SV2C: variants seen among roughly 807,000 people sequenced by gnomAD.
SV2C encodes solute carrier family 22 member B3.
Under a neutral mutation model 79.7 loss-of-function variants are expected in SV2C, and 49 were observed. The observed-to-expected ratio is 0.61, with a 90% CI of 0.49 to 0.78. The LOEUF (loss-of-function observed/expected upper bound fraction) is 0.78. Ranked by LOEUF, SV2C falls within the 30% of genes least tolerant of loss-of-function variation. SV2C has a pLI of 0.00. For synonymous variants in SV2C, 334 were observed against 333.2 expected, an observed-to-expected ratio of 1.00 and a Z score of -0.03; for missense variants, 833 against 912.9, an observed-to-expected ratio of 0.91 and a Z score of 1.13.
intron 4 of SV2C, among the ~76,000 whole-genome samples, chr5:76,238,034 ACACACACACACACACACAC>A (rs1745666982): frequency 2.2e-5 from 2 of 89,320 alleles, no homozygotes; most frequent in African/African-American, 1.8e-4. Context: ...ACATACACAC[ACACACACACACACACACAC>A]ACACACACAC....
chr5:76,109,921 G>A (rs1168341364), intron 1 of SV2C, among the ~76,000 whole-genome samples: 1 of 152,126 alleles, frequency 6.6e-6, no homozygotes, highest in Non-Finnish European at 1.5e-5. Context: ...CTAATACAGT[G>A]GTTTATGTCT....
In SV2C at chr5:76,300,883, C is replaced by T; in HGVS notation, c.1791C>T (p.Asn597=). The T allele has an allele frequency of 1.2e-6, 2 of 1,614,128 alleles. No individual in the cohort carries two copies. Among genetic ancestry groups the T allele is most frequent in the South Asian group, 1.1e-5 (1 of 91,082 alleles). ...FLGTLAVLPG[N]IVSALLMDRI... is the part of the protein sequence containing the mutation. ...GGACATTGGCAGTATTGCCAGGGAACATTGTGTCTGCTCTGCTGATGGACA... is the reference window on the plus strand; with the variant it reads ...GGACATTGGCAGTATTGCCAGGGAATATTGTGTCTGCTCTGCTGATGGACA... Residue 597 remains asparagine, a synonymous_variant, in exon 11 of 13, where the codon AAC becomes AAT. Transcript: ENST00000502798.
chr5:75,854,427 T>TA, the SV2C span, among the ~76,000 whole-genome samples: 2 of 152,192 alleles, frequency 1.3e-5, no homozygotes, highest in East Asian at 3.8e-4. Flanking sequence ...TGTTTTTGTA[T>TA]AAAAACTATC....
chr5:76,137,950 A>C (rs563018286), intron 2 of SV2C, among the ~76,000 whole-genome samples: 11 of 152,284 alleles, frequency 7.2e-5, no homozygotes, highest in African/African-American at 2.4e-4. Context: ...CAACAAAAAA[A>C]TTTTAATATC....
the SV2C span, among the ~76,000 whole-genome samples, chr5:75,972,165 A>C: frequency 2.0e-5 from 3 of 152,174 alleles, no homozygotes; most frequent in African/African-American, 4.8e-5. Flanking sequence ...CACCTTATAC[A>C]TAAATTAATT....
the SV2C span, among the ~76,000 whole-genome samples, chr5:75,970,943 G>A: frequency 4.6e-5 from 7 of 151,994 alleles, no homozygotes; most frequent in East Asian, 1.9e-4. Context: ...CTGGCAAACC[G>A]AATCCAGCAG....
At chr5:76,250,830 A>G (rs984734863) in intron 4 of SV2C, among the ~76,000 whole-genome samples, 1 of 152,048 alleles carries the variant, frequency 6.6e-6, no homozygotes, top group Admixed American at 6.5e-5. Flanking sequence ...ATCTCAATGG[A>G]CGTTTTTTTT....
At chr5:76,334,832 C>T (rs1749279799), downstream of SV2C, among the ~76,000 whole-genome samples, 1 of 152,132 alleles carries the variant, frequency 6.6e-6, no homozygotes, top group Admixed American at 6.5e-5. Context: ...TCAAGAGTCA[C>T]CTCTCCCCCT....
chr5:75,965,660 G>A, the SV2C span, among the ~76,000 whole-genome samples: 1 of 152,106 alleles, frequency 6.6e-6, no homozygotes, highest in Non-Finnish European at 1.5e-5. Context: ...CAGACAAAGA[G>A]CACTATGGAG....
At chr5:76,199,957 A>G (rs549623847) in intron 3 of SV2C, among the ~76,000 whole-genome samples, 2 of 152,358 alleles carry the variant, frequency 1.3e-5, no homozygotes, top group South Asian at 2.1e-4. Context: ...TCTTTCTCCC[A>G]GCTTCCCCAA....
At chr5:76,076,454 CTTTTGTT>C in the SV2C span, among the ~76,000 whole-genome samples, 4 of 152,172 alleles carry the variant, frequency 2.6e-5, no homozygotes, top group Non-Finnish European at 4.4e-5. Context: ...ATTGAAGTTT[CTTTTGTT>C]ATATCTGCTG....
At chr5:76,061,962 A>T in the SV2C span, among the ~76,000 whole-genome samples, 22 of 30,322 alleles carry the variant, frequency 7.3e-4, no homozygotes, top group East Asian at 0.017. Context: ...GCTTTTTTTT[A>T]ACCTGTTATT....
At chr5:76,086,357 A>T (rs1747196680) in intron 1 of SV2C, among the ~76,000 whole-genome samples, 1 of 152,230 alleles carries the variant, frequency 6.6e-6, no homozygotes, top group Non-Finnish European at 1.5e-5. Context: ...TGTATGAATA[A>T]AAGCATGTGA....
intron 12 of SV2C, among the ~76,000 whole-genome samples, chr5:76,317,227 T>C (rs1440194783): frequency 6.6e-6 from 1 of 152,200 alleles, no homozygotes; most frequent in Non-Finnish European, 1.5e-5. Flanking sequence ...TTCTCTAAGA[T>C]AAATGAAATT....
intron 2 of SV2C, among the ~76,000 whole-genome samples, chr5:76,162,172 A>G (rs1580318174): frequency 6.6e-6 from 1 of 152,160 alleles, no homozygotes; most frequent in African/African-American, 2.4e-5. Flanking sequence ...AAAAATCTCA[A>G]TGACATGGTG....
the SV2C span, among the ~76,000 whole-genome samples, chr5:76,065,559 C>T: frequency 3.5e-3 from 529 of 152,188 alleles, 8 homozygotes; most frequent in African/African-American, 0.012. Flanking sequence ...TTTTTATGAA[C>T]GGCATAGAGA....
chr5:75,991,724 CAATT>C, the SV2C span, among the ~76,000 whole-genome samples: 1 of 150,808 alleles, frequency 6.6e-6, no homozygotes, highest in Non-Finnish European at 1.5e-5. Context: ...GCAAAACCAT[CAATT>C]AATCTGGAAT....
At chr5:76,260,450 GA>G (rs1237982581) in intron 4 of SV2C, among the ~76,000 whole-genome samples, 4 of 152,154 alleles carry the variant, frequency 2.6e-5, no homozygotes, top group Non-Finnish European at 5.9e-5. Context: ...AGTTTAATTA[GA>G]TCCAGTTTGT....
At chr5:75,911,410 C>A in the SV2C span, 1 of 1,089,406 alleles carries the variant, frequency 9.2e-7, no homozygotes, top group South Asian at 1.4e-5. Flanking sequence ...GACGTCAGCA[C>A]CCCCTAGTAG....
Sources: allele counts gnomAD v4.1 joint callset (sites outside exome capture counted in the v4.1 genomes callset), GRCh38; gene constraint gnomAD v4.1.1; transcripts MANE v1.5; gene names NCBI Gene and HGNC (gene_info 2026-07-23, HGNC 2026-07-21).